The following NAPB variants were observed in gnomAD, a reference collection of about 807,000 sequenced individuals.
NAPB encodes beta-soluble NSF attachment protein.
A neutral mutation model predicts 44.7 loss-of-function variants in NAPB; 26 were observed. The observed-to-expected ratio is 0.58, with a 90% CI of 0.43 to 0.81. The LOEUF is 0.81. Ranked by LOEUF, NAPB falls within the 30% of genes least tolerant of loss-of-function variation. The pLI is 0.00. For synonymous variants in NAPB, 120 were observed against 116.8 expected (o/e 1.03, Z -0.18); for missense variants, 315 against 356.4 (o/e 0.88, Z 0.94).
intron 2 of NAPB, among the ~76,000 whole-genome samples, chr20:23,400,021 G>C (rs924875546): frequency 1.3e-5 from 2 of 152,052 alleles, no homozygotes; most frequent in African/African-American, 4.8e-5. Flanking sequence ...TCCTGTCTCA[G>C]AATCAGTCAT....
Position 23,379,894 on chromosome 20 carries a change from A to G in NAPB, c.708T>C (p.Thr236=). 6.2e-7 allele frequency: 1 copy of G among 1,612,984 alleles called. No individual in the cohort carries two copies. Among genetic ancestry groups the G allele is most frequent in the East Asian group, 2.2e-5 (1 of 44,788 alleles). The part of the protein sequence containing the change: ...EKYEEMFPAF[T]DSRECKLLKK... ...TCAATAATTTACATTCTCTTGAATC[A>G]GTAAATGCTGGAAACATTTCCTCAT... The change falls in exon 9 of 11, where the codon ACT becomes ACC. Residue 236 remains threonine, a synonymous_variant. Coordinates refer to ENST00000377026, the MANE Select transcript of NAPB (RefSeq NM_022080.3).
At chr20:23,420,448 C>G (rs1030957550) in intron 1 of NAPB, among the ~76,000 whole-genome samples, 82 of 152,140 alleles carry the variant, frequency 5.4e-4, no homozygotes, top group African/African-American at 2.0e-3. Flanking sequence ...GAGAGGCCAA[C>G]AAGCACACCA....
chr20:23,387,992 GA>G (rs1322476199), intron 7 of NAPB, among the ~76,000 whole-genome samples: 2 of 152,132 alleles, frequency 1.3e-5, no homozygotes, highest in Non-Finnish European at 2.9e-5. Flanking sequence ...CTGAAAACCT[GA>G]ATAAAATAAA....
intron 5 of NAPB, among the ~76,000 whole-genome samples, chr20:23,390,502 T>A (rs1983865002): frequency 6.6e-6 from 1 of 152,212 alleles, no homozygotes; most frequent in Non-Finnish European, 1.5e-5. Context: ...CACCACTTCC[T>A]CAGCTTCCTC....
intron 7 of NAPB, among the ~76,000 whole-genome samples, chr20:23,386,682 A>G (rs922518150): frequency 2.0e-5 from 3 of 152,168 alleles, no homozygotes; most frequent in African/African-American, 7.2e-5. Flanking sequence ...GTCTACGCTT[A>G]TTTTCACTTA....
chr20:23,378,310 T>A (rs1159775291), intron 10 of NAPB, among the ~76,000 whole-genome samples: 1 of 151,330 alleles, frequency 6.6e-6, no homozygotes, highest in African/African-American at 2.4e-5. Flanking sequence ...AGTGACAGAG[T>A]GAGGATCTGT....
At position 23,389,928 on chromosome 20, in the gene NAPB, AAAC is replaced by A; in HGVS notation, c.561+15_561+17del. On this transcript the variant is annotated intron_variant, in intron 7 of 10. Transcript: ENST00000377026. ...TTATTCAGACAACTTCTCTCCAAGG[AAAC>A]AACAGTATCCTCACCTGCTCATAGA... 6.2e-7 allele frequency: 1 copy of A among 1,600,974 alleles called. No individual in the cohort carries two copies. The highest frequency in any genetic ancestry group is 8.5e-7 in the Non-Finnish European group (1 of 1,174,538).
intron 1 of NAPB, among the ~76,000 whole-genome samples, chr20:23,417,572 A>T (rs967348302): frequency 1.8e-4 from 27 of 152,194 alleles, no homozygotes; most frequent in African/African-American, 6.3e-4. Flanking sequence ...CTGGAATTTG[A>T]AATTAACTAC....
chr20:23,393,311 A>C (rs1568610025), intron 5 of NAPB, among the ~76,000 whole-genome samples: 1 of 152,200 alleles, frequency 6.6e-6, no homozygotes, highest in Non-Finnish European at 1.5e-5. Context: ...CAATTATAAA[A>C]AAAAAAGGTC....
intron 1 of NAPB, among the ~76,000 whole-genome samples, chr20:23,418,335 G>C (rs768123471): frequency 6.6e-6 from 1 of 152,208 alleles, no homozygotes; most frequent in Non-Finnish European, 1.5e-5. Context: ...TAGCTAAGAA[G>C]GCAGGGGCAG....
At chr20:23,379,385 A>G (rs904064559) in intron 10 of NAPB, 60 bp downstream of exon 10, 6 of 1,293,074 alleles carry the variant, frequency 4.6e-6, no homozygotes, top group Non-Finnish European at 6.5e-6. Context: ...TGAAAAGGAA[A>G]AGAAGTTTCT....
At chr20:23,395,089 G>C in intron 4 of NAPB, 50 bp downstream of exon 4, 1 of 1,612,434 alleles carries the variant, frequency 6.2e-7, no homozygotes, top group South Asian at 1.1e-5. Context: ...AGAACTCTAA[G>C]CCATCTCAAG....
intron 7 of NAPB, among the ~76,000 whole-genome samples, chr20:23,382,297 C>T (rs779284214): frequency 2.0e-5 from 3 of 150,534 alleles, no homozygotes; most frequent in Non-Finnish European, 4.4e-5. Context: ...ACATCCCCAC[C>T]TTCCCCAGCC....
chr20:23,406,797 G>C (rs1985287874), intron 1 of NAPB, among the ~76,000 whole-genome samples: 1 of 152,136 alleles, frequency 6.6e-6, no homozygotes, highest in African/African-American at 2.4e-5. Context: ...TGTAATTATA[G>C]TTCAATCATT....
Position 23,376,527 on chromosome 20 carries a change from A to G in NAPB, c.*849T>C, listed in dbSNP as rs570961799. Reference sequence around the variant, plus strand: ...TCACAGCACAGAACACACCACCTCAACGTGGGAAAGTGTATAAACATGAAA... The same window carrying G: ...TCACAGCACAGAACACACCACCTCAGCGTGGGAAAGTGTATAAACATGAAA... On this transcript the variant is annotated 3_prime_UTR_variant, in exon 11 of 11. Coordinates refer to ENST00000377026, the MANE Select transcript of NAPB (RefSeq NM_022080.3). 1.2e-4 allele frequency: 19 copies of G among 152,334 alleles called. No individual in the cohort carries two copies. The highest frequency in any genetic ancestry group is 4.3e-4 in the African/African-American group (18 of 41,576). 9.4% of individuals were successfully genotyped at this position (152,334 alleles called of 1,614,324 possible). A position where few individuals can be genotyped will look rare whatever the true frequency, so the allele number is the denominator to read the frequency against.
In NAPB at chr20:23,377,412, G is replaced by A; in HGVS notation, c.861C>T (p.Ile287=). Residue 287 remains isoleucine, a synonymous_variant, in exon 11 of 11, where the codon ATC becomes ATT. Transcript: ENST00000377026. ...CTCCATCTCCTTCTCCATCCCCTTG[G>A]ATGGACTTTTTGATGCGAAGCAACA... ...TTMLLRIKKS[I]QGDGEGDGDL... 6.2e-7 allele frequency: 1 copy of A among 1,602,128 alleles called. No individual in the cohort carries two copies. The highest frequency in any genetic ancestry group is 2.2e-5 in the East Asian group (1 of 44,700).
Position 23,379,414 on chromosome 20 carries a change from T to A in NAPB, c.786+31A>T, listed in dbSNP as rs1391637196. 8 of 1,537,732 alleles carry A rather than the reference T, an allele frequency of 5.2e-6. No homozygotes were observed. The Admixed American group carries it at 1.1e-4, about 21-fold the overall frequency. On this transcript the variant is annotated intron_variant, in intron 10 of 10. Transcript: ENST00000377026. ...AGTTTCTTTAACTTAAATCTTCAAA[T>A]AATGTACCATGTCCCAAAAGCATAA... is the stretch of plus-strand genomic sequence containing the variant.
rs539557504 is a variant in NAPB at position 23,379,805 on chromosome 20, A to T, written c.735+62T>A. On this transcript the variant is annotated intron_variant, in intron 9 of 10. Transcript: ENST00000377026. ...AAAACTTCACTTCATACCCAATCCC[A>T]CTTAGGTGTTGTCACCTAACAGAAC... 25 of 1,230,894 alleles carry T rather than the reference A, an allele frequency of 2.0e-5. 1 individual carries two copies. Among genetic ancestry groups the T allele is most frequent in the South Asian group, 1.8e-4 (14 of 79,778 alleles). The allele number at this position is 1,230,894 out of a possible 1,614,324, so 76.2% of individuals were successfully genotyped here.
Position 23,379,381 on chromosome 20 carries a change from G to A in NAPB, c.786+64C>T, listed in dbSNP as rs138919652. On this transcript the variant is annotated intron_variant, in intron 10 of 10. Transcript: ENST00000377026. ...ATGTTTAGAATTCACATAATGAAAA[G>A]GAAAAGAAGTTTCTTTAACTTAAAT... is the stretch of plus-strand genomic sequence containing the variant. The A allele has an allele frequency of 3.3e-5, 41 of 1,258,362 alleles. No homozygotes were observed. The East Asian group carries it at 8.9e-4, about 27-fold the overall frequency. 77.9% of individuals were successfully genotyped at this position (1,258,362 alleles called of 1,614,324 possible).
Sources: allele counts gnomAD v4.1 joint callset (sites outside exome capture counted in the v4.1 genomes callset), GRCh38; gene constraint gnomAD v4.1.1; transcripts MANE v1.5; gene names NCBI Gene and HGNC (gene_info 2026-07-23, HGNC 2026-07-21).